GPC6: variants seen among roughly 807,000 people sequenced by gnomAD.
GPC6 encodes glypican-6.
In GPC6, 14 loss-of-function variants were observed where a neutral mutation model predicts 55.2. That is an observed-to-expected ratio of 0.25 (90% CI 0.17 to 0.40). The LOEUF is 0.40. Ranked by LOEUF, GPC6 falls within the 10% of genes least tolerant of loss-of-function variation. The pLI is 1.00. For missense variants in GPC6, 641 were observed against 708.5 expected (o/e 0.90, Z 1.08); for synonymous variants, 278 against 259.6 (o/e 1.07, Z -0.68).
chr13:94,027,949 A>T, intron 4 of GPC6, 55 bp downstream of exon 4: 1 of 1,433,934 alleles, frequency 7.0e-7, no homozygotes, highest in Non-Finnish European at 9.8e-7. Context: ...GCAAGTGTTT[A>T]TGGGGCTTGA....
chr13:94,234,474 T>G (rs7321687), intron 4 of GPC6, among the ~76,000 whole-genome samples: 108,731 of 149,606 alleles, frequency 0.73, 40,336 homozygotes, highest in African/African-American at 0.87. Flanking sequence ...AAAATATGTC[T>G]CTGTTGAACA....
rs186338667 is a variant in GPC6 at position 93,964,658 on chromosome 13, T to C, written c.712-63071T>C. 7.2e-5 allele frequency among the ~76,000 whole-genome samples: 11 copies of C among 152,350 alleles called. No homozygotes were observed. The East Asian group carries it at 1.9e-3, about 27-fold the overall frequency. On this transcript the variant is annotated intron_variant, in intron 3 of 8. Transcript: ENST00000377047. ...TATAGTAAAATGTAACTGTGTTTTC[T>C]CTGAATAGCGTATTTTATTCCTGAC...
At position 94,121,185 on chromosome 13, in the gene GPC6, G is replaced by T. The variant is rs545180614; in HGVS notation, c.877+93291G>T. On this transcript the variant is annotated intron_variant, in intron 4 of 8. Transcript: ENST00000377047. ...GACTTCAGCAAGCTTACACCACCATGTGCTGTTGGGGTACCATACCTCTGC... is the reference window on the plus strand; with the variant it reads ...GACTTCAGCAAGCTTACACCACCATTTGCTGTTGGGGTACCATACCTCTGC... Among the ~76,000 whole-genome samples, 12 of 152,120 alleles carry T rather than the reference G, an allele frequency of 7.9e-5. No homozygotes were observed. The South Asian group carries it at 2.1e-3, about 26-fold the overall frequency.
At chr13:94,268,275 C>A (rs59123689) in intron 4 of GPC6, among the ~76,000 whole-genome samples, 25,226 of 152,072 alleles carry the variant, frequency 0.17, 2,171 homozygotes, top group South Asian at 0.24. Context: ...TAAAAGACAG[C>A]CACATTTTTG....
chr13:93,804,074 T>A (rs929852039), intron 2 of GPC6, among the ~76,000 whole-genome samples: 4 of 152,152 alleles, frequency 2.6e-5, no homozygotes, highest in Non-Finnish European at 5.9e-5. Context: ...ATGAATTGTA[T>A]GGAAGTATAT....
At chr13:93,987,201 C>G (rs1204943695) in intron 3 of GPC6, among the ~76,000 whole-genome samples, 2 of 152,120 alleles carry the variant, frequency 1.3e-5, no homozygotes, top group East Asian at 3.9e-4. Flanking sequence ...AAGAATATTT[C>G]TATTTTTATG....
chr13:93,394,794 TTTTA>T (rs35986845), intron 1 of GPC6, among the ~76,000 whole-genome samples: 1 of 151,022 alleles, frequency 6.6e-6, no homozygotes, highest in Non-Finnish European at 1.5e-5. Context: ...TATTAGGTAA[TTTTA>T]TTTATTTATT....
chr13:93,680,027 A>G (rs1298499231), intron 2 of GPC6, among the ~76,000 whole-genome samples: 4 of 152,166 alleles, frequency 2.6e-5, no homozygotes, highest in Non-Finnish European at 5.9e-5. Flanking sequence ...GAGAAATAGA[A>G]ACAAGGGACT....
intron 1 of GPC6, among the ~76,000 whole-genome samples, chr13:93,340,309 T>C (rs577752649): frequency 1.3e-5 from 2 of 152,182 alleles, no homozygotes; most frequent in South Asian, 2.1e-4. Context: ...GCTGGGATTA[T>C]AGGCGTGAGC....
At chr13:93,976,114 C>T (rs1880503197) in intron 3 of GPC6, among the ~76,000 whole-genome samples, 1 of 152,072 alleles carries the variant, frequency 6.6e-6, no homozygotes, top group Non-Finnish European at 1.5e-5. Flanking sequence ...ATTTAGCTGC[C>T]TTTTTTCTGC....
At chr13:94,365,434 A>G (rs1879247281) in intron 6 of GPC6, among the ~76,000 whole-genome samples, 1 of 152,214 alleles carries the variant, frequency 6.6e-6, no homozygotes, top group South Asian at 2.1e-4. Context: ...AAGGCAGATC[A>G]TTGCATTATA....
At chr13:94,346,189 T>G (rs186879266) in intron 6 of GPC6, among the ~76,000 whole-genome samples, 177 of 152,308 alleles carry the variant, frequency 1.2e-3, no homozygotes, top group African/African-American at 4.1e-3. Flanking sequence ...AAGACGTTAT[T>G]TCTCACCTTC....
intron 4 of GPC6, among the ~76,000 whole-genome samples, chr13:94,213,454 T>A (rs1056856157): frequency 6.6e-6 from 1 of 152,232 alleles, no homozygotes; most frequent in Non-Finnish European, 1.5e-5. Flanking sequence ...TGGTTTAGAA[T>A]AAAACTAACC....
chr13:93,876,795 G>A (rs990637555), intron 3 of GPC6, among the ~76,000 whole-genome samples: 1 of 151,804 alleles, frequency 6.6e-6, no homozygotes, highest in Non-Finnish European at 1.5e-5. Context: ...CAACCATTTT[G>A]CTCTTACATT....
At chr13:93,593,934 G>A (rs1248719576) in intron 2 of GPC6, among the ~76,000 whole-genome samples, 3 of 151,916 alleles carry the variant, frequency 2.0e-5, no homozygotes, top group East Asian at 3.9e-4. Context: ...AAAAAAAGCT[G>A]GGTGCAGAAA....
intron 2 of GPC6, among the ~76,000 whole-genome samples, chr13:93,683,982 G>A (rs1314419774): frequency 6.6e-6 from 1 of 152,034 alleles, no homozygotes; most frequent in Non-Finnish European, 1.5e-5. Flanking sequence ...GAAGAAGCAA[G>A]CTCTCTCATG....
chr13:93,933,167 A>T (rs1750232301), intron 3 of GPC6, among the ~76,000 whole-genome samples: 1 of 151,828 alleles, frequency 6.6e-6, no homozygotes, highest in Non-Finnish European at 1.5e-5. Flanking sequence ...GGAGGCAGTT[A>T]ATATAGAGCA....
intron 3 of GPC6, among the ~76,000 whole-genome samples, chr13:93,861,861 AG>A (rs1432842177): frequency 2.0e-5 from 3 of 151,610 alleles, no homozygotes; most frequent in Non-Finnish European, 4.4e-5. Flanking sequence ...TAAAACAAAA[AG>A]GTTGTATTAG....
intron 2 of GPC6, among the ~76,000 whole-genome samples, chr13:93,594,257 T>G (rs1007344421): frequency 6.6e-6 from 1 of 152,050 alleles, no homozygotes; most frequent in African/African-American, 2.4e-5. Context: ...ACAGATTATT[T>G]CGTCACCCAG....
Sources: allele counts gnomAD v4.1 joint callset (sites outside exome capture counted in the v4.1 genomes callset), GRCh38; gene constraint gnomAD v4.1.1; transcripts MANE v1.5; gene names NCBI Gene and HGNC (gene_info 2026-07-23, HGNC 2026-07-21).